TBX4: variants seen among roughly 807,000 people sequenced by gnomAD.
TBX4 encodes T-box transcription factor 4, also known as T-box transcription factor TBX4.
TBX4 carries 13 observed loss-of-function variants against 54.6 expected under a neutral mutation model. The ratio of observed to expected loss-of-function variants is 0.24; its 90% CI spans 0.15 to 0.38. TBX4 has a LOEUF of 0.38. TBX4 is among the 10% of genes least tolerant of loss of function. The pLI is 1.00. For missense variants in TBX4, 631 were observed against 728.5 expected (o/e 0.87, Z 1.54); for synonymous variants, 314 against 306.7 (o/e 1.02, Z -0.25).
rs1405260639 is a variant in TBX4 at position 61,460,697 on chromosome 17, A to AT, written c.281+3070dup. Among the ~76,000 whole-genome samples, 1 of 152,098 alleles carries AT rather than the reference A, an allele frequency of 6.6e-6. No individual in the cohort carries two copies. The highest frequency in any genetic ancestry group is 1.5e-5 in the Non-Finnish European group (1 of 68,040). ...AAGCTTGATACATGTGAGAAACTGC[A>AT]TTTTCTCCCAAACATAGATAAAAGT... is the stretch of plus-strand genomic sequence containing the variant. On this transcript the variant is annotated intron_variant, in intron 3 of 8. Transcript: ENST00000644296. This position sits in a 1 kb window ranked among gnomAD's most constrained non-coding sequence, Gnocchi z 4.4.
rs1225510637 is a variant in TBX4, at chr17:61,464,447, CT to C, written c.282-1371del. The C allele has an allele frequency of 1.3e-5, 2 of 152,332 alleles. No homozygotes were observed. The highest frequency in any genetic ancestry group is 2.9e-5 in the Non-Finnish European group (2 of 68,132). The allele number at this position is 152,332 out of a possible 1,614,324, so 9.4% of individuals were successfully genotyped here. ...GCCCCTGGTGACAAAATAGGGGCCT[CT>C]GATCAGCTGTTTGTGGCATCTTGGA... On this transcript the variant is annotated intron_variant, in intron 3 of 8. Transcript: ENST00000644296. The surrounding 1 kb of genome is among the most constrained non-coding windows in gnomAD (Gnocchi z 5.8).
Position 61,465,776 on chromosome 17 carries a change from G to A in TBX4, c.282-43G>A, listed in dbSNP as rs776529690. The stretch of plus-strand genomic sequence containing the variant: ...TGCTCACTCTGTTCCATCTCTCCTG[G>A]TGCTCTGTCCACACGCTCCGCCTCA... On this transcript the variant is annotated intron_variant, in intron 3 of 8. Transcript: ENST00000644296. The surrounding 1 kb of genome is among the most constrained non-coding windows in gnomAD (Gnocchi z 4.9). 6.2e-7 allele frequency: 1 copy of A among 1,612,616 alleles called. No homozygotes were observed.
At chr17:61,463,109 G>A (rs1044556790) in intron 3 of TBX4, 1 of 152,424 alleles carries the variant, frequency 6.6e-6, no homozygotes, top group East Asian at 1.9e-4. Flanking sequence ...CACCTAGGCA[G>A]GGAAACGGTA....
Position 61,472,780 on chromosome 17 carries a change from G to A in TBX4, c.549+5123G>A, listed in dbSNP as rs1360448960. On this transcript the variant is annotated intron_variant, in intron 5 of 8. Coordinates refer to ENST00000644296, the MANE Select transcript of TBX4 (RefSeq NM_001321120.2). This position sits in a 1 kb window ranked among gnomAD's most constrained non-coding sequence, Gnocchi z 4.5. ...ATTTATCCTGGCATTGATTTGAGGTGTGAATCCAATTTTTTTTTTTTTTCT... is the reference window on the plus strand; with the variant it reads ...ATTTATCCTGGCATTGATTTGAGGTATGAATCCAATTTTTTTTTTTTTTCT... Among the ~76,000 whole-genome samples, 2 of 149,118 alleles carry A rather than the reference G, an allele frequency of 1.3e-5. No individual in the cohort carries two copies. Among genetic ancestry groups the A allele is most frequent in the Non-Finnish European group, 2.9e-5 (2 of 67,878 alleles).
intron 5 of TBX4, among the ~76,000 whole-genome samples, chr17:61,471,768 C>A (rs2060579874): frequency 6.6e-6 from 1 of 152,008 alleles, no homozygotes; most frequent in South Asian, 2.1e-4. Context: ...TCTTGTTGCC[C>A]AGGCTGGAGT....
In TBX4 at chr17:61,462,595, G is replaced by A. The variant is rs1322989321; in HGVS notation, c.282-3224G>A. Among the ~76,000 whole-genome samples the A allele has an allele frequency of 6.6e-6, 1 of 152,050 alleles. No individual in the cohort carries two copies. Among genetic ancestry groups the A allele is most frequent in the Non-Finnish European group, 1.5e-5 (1 of 67,984 alleles). ...CGCAAGGAGGGGGCTGGCTGGGGCG[G>A]ACCCAGAGGTAGAGCGCAGAGTGCC... On this transcript the variant is annotated intron_variant, in intron 3 of 8. Transcript: ENST00000644296. The surrounding 1 kb of genome is among the most constrained non-coding windows in gnomAD (Gnocchi z 4.5).
intron 3 of TBX4, among the ~76,000 whole-genome samples, chr17:61,463,978 T>C (rs1043278923): frequency 2.0e-5 from 3 of 152,088 alleles, no homozygotes; most frequent in Non-Finnish European, 4.4e-5. Context: ...CCAGGCCCCA[T>C]AGGGGGGCTG....
In TBX4 at chr17:61,478,986, C is replaced by T. The variant is rs1206908253; in HGVS notation, c.702+207C>T. Among the ~76,000 whole-genome samples, 2 of 152,190 alleles carry T rather than the reference C, an allele frequency of 1.3e-5. No homozygotes were observed. The highest frequency in any genetic ancestry group is 4.8e-5 in the African/African-American group (2 of 41,446). ...GGACCCTAGATATGTCCATCTCCAG[C>T]ACAGAGGAATTACGGTCTCTGTGTT... On this transcript the variant is annotated intron_variant, in intron 6 of 8. Transcript: ENST00000644296. The surrounding 1 kb of genome is among the most constrained non-coding windows in gnomAD (Gnocchi z 7.4).
At chr17:61,455,349 G>C (rs1042283729) in intron 1 of TBX4, among the ~76,000 whole-genome samples, 2 of 152,226 alleles carry the variant, frequency 1.3e-5, no homozygotes, top group Non-Finnish European at 2.9e-5. Context: ...TCCGCCTCAA[G>C]AAGGGCCGTC....
chr17:61,454,039 G>C (rs1158464548), intron 1 of TBX4, among the ~76,000 whole-genome samples: 1 of 152,340 alleles, frequency 6.6e-6, no homozygotes, highest in African/African-American at 2.4e-5. Flanking sequence ...ATAGTATTAT[G>C]AATGTGCCAG....
Position 61,475,167 on chromosome 17 carries a change from C to G in TBX4, c.550-3460C>G, listed in dbSNP as rs529428457. On this transcript the variant is annotated intron_variant, in intron 5 of 8. Transcript: ENST00000644296. The surrounding 1 kb of genome is among the most constrained non-coding windows in gnomAD (Gnocchi z 5.0). ...TTTGCAGGTTTCCCTGTGAGCCTGG[C>G]TGGTTCCCTGCCTCGGAAGATGTGT... 6.6e-6 allele frequency among the ~76,000 whole-genome samples: 1 copy of G among 152,252 alleles called. No individual in the cohort carries two copies. The highest frequency in any genetic ancestry group is 1.9e-4 in the East Asian group (1 of 5,200).
rs1473702980 is a variant in TBX4, at chr17:61,465,647, A to C, written c.282-172A>C. On this transcript the variant is annotated intron_variant, in intron 3 of 8. Transcript: ENST00000644296. This position sits in a 1 kb window ranked among gnomAD's most constrained non-coding sequence, Gnocchi z 4.9. ...AGCCAGTGCCACCTTTTCACTGTGCAGCTCGGGCAGAGGGGGAAGTGAGTT... is the reference window on the plus strand; with the variant it reads ...AGCCAGTGCCACCTTTTCACTGTGCCGCTCGGGCAGAGGGGGAAGTGAGTT... 1.3e-6 allele frequency: 1 copy of C among 797,900 alleles called. No homozygotes were observed. The highest frequency in any genetic ancestry group is 2.1e-6 in the Non-Finnish European group (1 of 479,166). 49.4% of individuals were successfully genotyped at this position (797,900 alleles called of 1,614,324 possible).
At chr17:61,477,741 GACC>G (rs2060631244) in intron 5 of TBX4, among the ~76,000 whole-genome samples, 1 of 152,126 alleles carries the variant, frequency 6.6e-6, no homozygotes, top group Non-Finnish European at 1.5e-5. Flanking sequence ...AGGAGTTCGA[GACC>G]AGCCTGACCA....
Position 61,483,958 on chromosome 17 carries a change from T to G in TBX4, c.*442T>G, listed in dbSNP as rs180857223. 1.7e-4 allele frequency: 36 copies of G among 215,980 alleles called. No individual in the cohort carries two copies. The highest frequency in any genetic ancestry group is 7.1e-4 in the African/African-American group (31 of 43,668). The allele number at this position is 215,980 out of a possible 1,614,324, so 13.4% of individuals were successfully genotyped here. On this transcript the variant is annotated 3_prime_UTR_variant, in exon 9 of 9. Coordinates refer to ENST00000644296, the MANE Select transcript of TBX4 (RefSeq NM_001321120.2). This position sits in a 1 kb window ranked among gnomAD's most constrained non-coding sequence, Gnocchi z 6.6. ...TCGCTGCTGGGGTGTGAGGACTCTG[T>G]GCACACCTTAGAGTTCCTGGCCTTC...
rs897313960 is a variant in TBX4, at chr17:61,457,155, T to G, written c.187-382T>G. Among the ~76,000 whole-genome samples the G allele has an allele frequency of 6.6e-6, 1 of 152,076 alleles. No individual in the cohort carries two copies. Among genetic ancestry groups the G allele is most frequent in the Admixed American group, 6.5e-5 (1 of 15,284 alleles). The stretch of plus-strand genomic sequence containing the variant: ...GCACGGGATGCCGCCTGGGGATCTG[T>G]GTGCACTATCTGCAGGCGCGCGCCT... On this transcript the variant is annotated intron_variant, in intron 2 of 8. Coordinates refer to ENST00000644296, the MANE Select transcript of TBX4 (RefSeq NM_001321120.2). This position sits in a 1 kb window ranked among gnomAD's most constrained non-coding sequence, Gnocchi z 8.2.
At chr17:61,477,016 A>G (rs17601633) in intron 5 of TBX4, among the ~76,000 whole-genome samples, 64,587 of 152,154 alleles carry the variant, frequency 0.42, 15,678 homozygotes, top group African/African-American at 0.66. Flanking sequence ...GGTCACTAAC[A>G]GGTTAAACCT....
In TBX4 at chr17:61,459,631, C is replaced by CACAT. The variant is rs2060480576; in HGVS notation, c.281+2003_281+2006dup. The stretch of plus-strand genomic sequence containing the variant: ...CCCTCTCCCAACACATACACTTATA[C>CACAT]ACATACTTCCATAGGTGGCCAGCTT... On this transcript the variant is annotated intron_variant, in intron 3 of 8. Transcript: ENST00000644296. The surrounding 1 kb of genome is among the most constrained non-coding windows in gnomAD (Gnocchi z 4.8). 6.6e-6 allele frequency among the ~76,000 whole-genome samples: 1 copy of CACAT among 152,214 alleles called. No homozygotes were observed.
Position 61,480,103 on chromosome 17 carries a change from G to C in TBX4, c.805G>C (p.Val269Leu). The C allele has an allele frequency of 6.2e-7, 1 of 1,613,930 alleles. No homozygotes were observed. Among genetic ancestry groups the C allele is most frequent in the African/African-American group, 1.3e-5 (1 of 74,928 alleles). Residue 269 changes from valine (V) to leucine (L), a missense_variant, in exon 8 of 9, where the codon GTG becomes CTG. Physicochemically the swap from Val to Leu is conservative, Grantham distance 32. Transcript: ENST00000644296. This position sits in a 1 kb window ranked among gnomAD's most constrained non-coding sequence, Gnocchi z 6.2. ...CCACCCCTTCAGCAAAGAATACCCCGTGATTTCCAAAAGCATCATGAGGCA... is the reference window on the plus strand; with the variant it reads ...CCACCCCTTCAGCAAAGAATACCCCCTGATTTCCAAAAGCATCATGAGGCA... ...VARLQSKEYP[V>L]ISKSIMRQRL...
chr17:61,455,827 T>G (rs377008629), intron 1 of TBX4, among the ~76,000 whole-genome samples: 1 of 151,948 alleles, frequency 6.6e-6, no homozygotes, highest in Non-Finnish European at 1.5e-5. Flanking sequence ...TGAGGGGCTG[T>G]GTTTGGGTGT....
Sources: allele counts gnomAD v4.1 joint callset (sites outside exome capture counted in the v4.1 genomes callset), GRCh38; gene constraint gnomAD v4.1.1; non-coding constraint Gnocchi (gnomAD v3.1); transcripts MANE v1.5; gene names NCBI Gene and HGNC (gene_info 2026-07-23, HGNC 2026-07-21).